NPHP4: variants seen among roughly 807,000 people sequenced by gnomAD.
The protein encoded by NPHP4 is nephrocystin-4.
NPHP4 carries 151 observed loss-of-function variants against 155.8 expected under a neutral mutation model. The observed-to-expected ratio is 0.97, with a 90% CI of 0.85 to 1.11. The LOEUF (loss-of-function observed/expected upper bound fraction) is 1.11. Ranked by LOEUF, NPHP4 falls within the 50% of genes least tolerant of loss-of-function variation. The pLI is 0.00. For missense variants in NPHP4, 1,956 were observed against 1,925.7 expected, an observed-to-expected ratio of 1.02 and a Z score of -0.29; for synonymous variants, 845 against 816.8, an observed-to-expected ratio of 1.03 and a Z score of -0.59.
intron 11 of NPHP4, among the ~76,000 whole-genome samples, chr1:5,912,478 C>T (rs978113738): frequency 4.1e-5 from 6 of 145,082 alleles, no homozygotes; most frequent in African/African-American, 1.6e-4. Context: ...GCGGAGCTTT[C>T]GGTGAGCCGA....
Position 5,889,103 on chromosome 1 carries a change from C to T in NPHP4, c.2305-1637G>A, listed in dbSNP as rs1241600169. On this transcript the variant is annotated intron_variant, in intron 17 of 29. Coordinates refer to ENST00000378156, the MANE Select transcript of NPHP4 (RefSeq NM_015102.5). This position sits in a 1 kb window ranked among gnomAD's most constrained non-coding sequence, Gnocchi z 4.2. ...CGTCCCTAGAGGAAACTCTTCTCAT[C>T]GTCGTAGCAACGTGTTACGGCCAGC... Among the ~76,000 whole-genome samples the T allele has an allele frequency of 1.3e-5, 2 of 152,174 alleles. No homozygotes were observed. The highest frequency in any genetic ancestry group is 4.8e-5 in the African/African-American group (2 of 41,434).
intron 11 of NPHP4, among the ~76,000 whole-genome samples, chr1:5,918,904 G>C (rs1645600318): frequency 6.6e-6 from 1 of 152,192 alleles, no homozygotes; most frequent in African/African-American, 2.4e-5. Context: ...TCAAGAAACA[G>C]GTCTTGCCTT....
intron 6 of NPHP4, among the ~76,000 whole-genome samples, chr1:5,959,375 C>T (rs1649877575): frequency 6.6e-6 from 1 of 152,192 alleles, no homozygotes. Flanking sequence ...AATCATGCAC[C>T]CCAGGCTCAA....
chr1:5,864,982 G>T, intron 27 of NPHP4, 120 bp downstream of exon 27: 1 of 971,026 alleles, frequency 1.0e-6, no homozygotes, highest in Non-Finnish European at 1.6e-6. Context: ...GCGTCTGCGC[G>T]CTGGAGGCGC....
At chr1:5,957,451 C>A (rs1409658065) in intron 6 of NPHP4, among the ~76,000 whole-genome samples, 1 of 152,242 alleles carries the variant, frequency 6.6e-6, no homozygotes, top group African/African-American at 2.4e-5. Flanking sequence ...ACCTCAGAAA[C>A]AAGACCACTG....
At chr1:5,987,352 C>T (rs1359239390) in intron 1 of NPHP4, among the ~76,000 whole-genome samples, 1 of 152,166 alleles carries the variant, frequency 6.6e-6, no homozygotes, top group Admixed American at 6.5e-5. Flanking sequence ...AAGACAGCAG[C>T]TCTCTAAGTA....
chr1:5,964,933 A>ATTTTTTT (rs1327414741), intron 5 of NPHP4, among the ~76,000 whole-genome samples: 10 of 23,778 alleles, frequency 4.2e-4, no homozygotes, highest in African/African-American at 1.5e-3. Context: ...ATATATATAT[A>ATTTTTTT]TATATATATT....
chr1:5,923,060 G>A (rs1171590869), intron 11 of NPHP4, among the ~76,000 whole-genome samples: 1 of 152,166 alleles, frequency 6.6e-6, no homozygotes, highest in Admixed American at 6.5e-5. Flanking sequence ...CAGCGTATGG[G>A]AGAAAGACAC....
chr1:5,875,207 CA>C, intron 20 of NPHP4, 107 bp from the exon 21 acceptor site: 1 of 882,434 alleles, frequency 1.1e-6, no homozygotes, highest in Non-Finnish European at 1.8e-6. Flanking sequence ...GACATTTCTC[CA>C]CAAGCATCGC....
intron 8 of NPHP4, among the ~76,000 whole-genome samples, chr1:5,947,845 C>T (rs1475271924): frequency 6.6e-6 from 1 of 152,040 alleles, no homozygotes; most frequent in Non-Finnish European, 1.5e-5. Flanking sequence ...ATCCATAATG[C>T]TAACCCCCAA....
rs750224980 is a variant in NPHP4, at chr1:5,866,452, C to T, written c.3565G>A (p.Gly1189Arg). ...TTCAGAAATATGTCCCGTGGTTCCCCGGGGCCCTGCCAACCAGATGTGCAG... is the reference window on the plus strand; with the variant it reads ...TTCAGAAATATGTCCCGTGGTTCCCTGGGGCCCTGCCAACCAGATGTGCAG... Reference protein sequence around the residue: ...VICETQNVGPGEPRDIFLKVA... With the variant: ...VICETQNVGPREPRDIFLKVA... The change falls in exon 26 of 30, where the codon GGG becomes AGG. Residue 1189 changes from glycine (G) to arginine (R), a missense_variant. Gly to Arg is a moderately radical substitution (Grantham distance 125). Coordinates refer to ENST00000378156, the MANE Select transcript of NPHP4 (RefSeq NM_015102.5). 1.1e-5 allele frequency: 18 copies of T among 1,587,578 alleles called. No homozygotes were observed. Among genetic ancestry groups the T allele is most frequent in the Non-Finnish European group, 1.4e-5 (16 of 1,163,636 alleles).
In NPHP4 at chr1:5,967,359, G is replaced by A. The variant is rs188946055; in HGVS notation, c.457C>T (p.Arg153Trp). ...PISASQDKRL[R>W]LYHGTPRALL... is the part of the protein sequence containing the mutation. Reference sequence around the variant, plus strand: ...GCTCTGGGGGTGCCATGGTACAGCCGCAACCTGGAAGACAGGACCCAGAGA... The same window carrying A: ...GCTCTGGGGGTGCCATGGTACAGCCACAACCTGGAAGACAGGACCCAGAGA... The change falls in exon 5 of 30, where the codon CGG (arginine) becomes TGG (tryptophan). Residue 153 changes from arginine (R) to tryptophan (W), a missense_variant. Coordinates refer to ENST00000378156, the MANE Select transcript of NPHP4 (RefSeq NM_015102.5). The A allele has an allele frequency of 1.4e-5, 22 of 1,605,016 alleles. No individual in the cohort carries two copies. Among genetic ancestry groups the A allele is most frequent in the East Asian group, 4.5e-5 (2 of 44,558 alleles).
In NPHP4 at chr1:5,909,901, C is replaced by T. The variant is rs1164063805; in HGVS notation, c.1442-688G>A. On this transcript the variant is annotated intron_variant, in intron 11 of 29. Transcript: ENST00000378156. Reference sequence around the variant, plus strand: ...AGGGCCACCTGTACCTGCCCAGCCCCGCCTCAGCCCAGCTGGCATTTGTGC... The same window carrying T: ...AGGGCCACCTGTACCTGCCCAGCCCTGCCTCAGCCCAGCTGGCATTTGTGC... 2.0e-5 allele frequency among the ~76,000 whole-genome samples: 3 copies of T among 152,294 alleles called. No homozygotes were observed. In the East Asian group the frequency reaches 5.8e-4, roughly 29 times the overall value.
intron 19 of NPHP4, 58 bp downstream of exon 19, chr1:5,880,056 C>T: frequency 1.2e-6 from 2 of 1,601,912 alleles, no homozygotes; most frequent in African/African-American, 1.3e-5. Flanking sequence ...CGCAGTCTTC[C>T]ACCTCTCACC....
At chr1:5,967,504 A>T in intron 4 of NPHP4, 141 bp from the exon 5 acceptor site, 1 of 653,404 alleles carries the variant, frequency 1.5e-6, no homozygotes, top group Non-Finnish European at 2.7e-6. Flanking sequence ...AGGCAGAGGC[A>T]GCTGAGGCCA....
At chr1:5,888,677 T>C in intron 17 of NPHP4, 2 of 1,202,880 alleles carry the variant, frequency 1.7e-6, no homozygotes, top group Non-Finnish European at 2.2e-6. Context: ...GAAATGCGAA[T>C]GAAAACAAGG....
At position 5,866,442 on chromosome 1, in the gene NPHP4, C is replaced by T. The variant is rs539967736; in HGVS notation, c.3575G>A (p.Arg1192Gln). The T allele has an allele frequency of 1.6e-5, 26 of 1,600,352 alleles. No individual in the cohort carries two copies. The East Asian group carries it at 3.6e-4, about 22-fold the overall frequency. Residue 1192 changes from arginine (R) to glutamine (Q), a missense_variant, in exon 26 of 30, where the codon CGG becomes CAG. Physicochemically the swap from Arg to Gln is conservative, Grantham distance 43. Coordinates refer to ENST00000378156, the MANE Select transcript of NPHP4 (RefSeq NM_015102.5). The stretch of plus-strand genomic sequence containing the variant: ...ACTGGCCACCTTCAGAAATATGTCC[C>T]GTGGTTCCCCGGGGCCCTGCCAACC... ...ETQNVGPGEP[R>Q]DIFLKVASGP...
chr1:5,879,515 T>C (rs940616362), intron 19 of NPHP4: 1 of 518,948 alleles, frequency 1.9e-6, no homozygotes, highest in Non-Finnish European at 3.8e-6. Flanking sequence ...TCAGTCTATG[T>C]TCCTCCTGAC....
At position 5,978,290 on chromosome 1, in the gene NPHP4, ACG is replaced by A. The variant is rs1557880019; in HGVS notation, c.257_258del (p.Pro86LeufsTer6). On this transcript the variant is annotated frameshift_variant, in exon 3 of 30. Transcript: ENST00000378156. LOFTEE classifies it high-confidence loss of function. ...KTTVKPTKRPPSRIVFNEPLY... is the reference protein window; with the variant it reads ...KTTVKPTKRPXSRIVFNEPLY... ...CCCACCTCATTAAAGACGATCCTGG[ACG>A]GCGGTCTCTTCGTCGGCTTCACTGT... The A allele has an allele frequency of 6.2e-7, 1 of 1,608,074 alleles. No homozygotes were observed. Among genetic ancestry groups the A allele is most frequent in the Non-Finnish European group, 8.5e-7 (1 of 1,177,580 alleles).
Sources: gnomAD v4.1 joint callset for allele counts (sites outside exome capture counted in the v4.1 genomes callset) on GRCh38, gnomAD v4.1.1 for gene constraint, Gnocchi (gnomAD v3.1) non-coding constraint, MANE v1.5 for transcripts, NCBI Gene and HGNC (gene_info 2026-07-23, HGNC 2026-07-21) for gene names.